EYS: variants seen among roughly 807,000 people sequenced by gnomAD.
EYS encodes the protein protein eyes shut homolog.
Under a neutral mutation model 282.1 loss-of-function variants are expected in EYS, and 250 were observed. The ratio of observed to expected loss-of-function variants is 0.89; its 90% confidence interval spans 0.80 to 0.98. EYS has a LOEUF of 0.98. Ranked by LOEUF, EYS falls within the 50% of genes least tolerant of loss-of-function variation. The pLI is 0.00. For missense variants in EYS, 4,016 were observed against 3,709.0 expected, an observed-to-expected ratio of 1.08 and a Z score of -2.15; for synonymous variants, 1,355 against 1,282.9, an observed-to-expected ratio of 1.06 and a Z score of -1.20.
chr6:64,534,781 G>A (rs754279931), intron 26 of EYS, among the ~76,000 whole-genome samples: 4 of 151,088 alleles, frequency 2.6e-5, no homozygotes, highest in Non-Finnish European at 5.9e-5. Context: ...CACATTCTGA[G>A]GAATTTAACA....
At chr6:65,177,445 G>A (rs1191246537) in intron 12 of EYS, among the ~76,000 whole-genome samples, 1 of 151,884 alleles carries the variant, frequency 6.6e-6, no homozygotes, top group East Asian at 2.0e-4. Flanking sequence ...TGCCAATTAA[G>A]TGTTTGTCAT....
At chr6:65,701,897 G>C (rs1190350657) in intron 1 of EYS, among the ~76,000 whole-genome samples, 1 of 152,152 alleles carries the variant, frequency 6.6e-6, no homozygotes. Context: ...GCATTGAGTT[G>C]CATTCTTTTA....
intron 29 of EYS, among the ~76,000 whole-genome samples, chr6:64,373,723 G>T (rs1418805967): frequency 6.6e-6 from 1 of 152,260 alleles, no homozygotes; most frequent in East Asian, 1.9e-4. Flanking sequence ...TAGAGCATCT[G>T]GGTTCCTCCA....
At chr6:65,154,007 A>C (rs929018855) in intron 12 of EYS, among the ~76,000 whole-genome samples, 1 of 151,822 alleles carries the variant, frequency 6.6e-6, no homozygotes, top group African/African-American at 2.4e-5. Flanking sequence ...TACTAACTAC[A>C]TGTTATGCCA....
intron 32 of EYS, among the ~76,000 whole-genome samples, chr6:64,069,016 G>A (rs1771477347): frequency 6.6e-6 from 1 of 151,968 alleles, no homozygotes; most frequent in South Asian, 2.1e-4. Context: ...AAGGCCATGT[G>A]ACTACAGAAA....
chr6:65,618,885 G>A (rs1410765013), intron 2 of EYS, among the ~76,000 whole-genome samples: 1 of 152,088 alleles, frequency 6.6e-6, no homozygotes, highest in East Asian at 1.9e-4. Flanking sequence ...TTATTTCTGA[G>A]GGCTCTGTTC....
At chr6:65,457,289 T>C (rs556745129) in intron 5 of EYS, among the ~76,000 whole-genome samples, 1 of 152,106 alleles carries the variant, frequency 6.6e-6, no homozygotes, top group Non-Finnish European at 1.5e-5. Context: ...CTCAGACTCC[T>C]ATGTTTCTGT....
chr6:64,103,615 A>T (rs1288945697), intron 31 of EYS, among the ~76,000 whole-genome samples: 1 of 152,162 alleles, frequency 6.6e-6, no homozygotes, highest in Admixed American at 6.5e-5. Flanking sequence ...TAGGAGGAGG[A>T]TCATAGATGG....
chr6:65,043,480 A>G (rs1447386585), intron 13 of EYS, among the ~76,000 whole-genome samples: 2 of 151,468 alleles, frequency 1.3e-5, no homozygotes, highest in African/African-American at 4.8e-5. Context: ...GCTATGTAAT[A>G]GATTTCAAAT....
chr6:65,334,906 A>G, intron 11 of EYS, 74 bp downstream of exon 11: 1 of 1,387,788 alleles, frequency 7.2e-7, no homozygotes, highest in East Asian at 2.3e-5. Context: ...TTACCATGAA[A>G]CAGTTCGATG....
At chr6:65,418,018 G>T (rs1401700217) in intron 5 of EYS, among the ~76,000 whole-genome samples, 1 of 152,018 alleles carries the variant, frequency 6.6e-6, no homozygotes, top group East Asian at 1.9e-4. Context: ...AATAAAGAGG[G>T]CTCCCAGAGC....
At chr6:64,817,530 T>C (rs1764774381) in intron 21 of EYS, among the ~76,000 whole-genome samples, 1 of 152,152 alleles carries the variant, frequency 6.6e-6, no homozygotes, top group Admixed American at 6.6e-5. Flanking sequence ...ATGTGCAGCC[T>C]TGTTACACGG....
chr6:65,703,269 A>G (rs767538483), intron 1 of EYS, among the ~76,000 whole-genome samples: 15 of 152,164 alleles, frequency 9.9e-5, no homozygotes, highest in Non-Finnish European at 1.3e-4. Flanking sequence ...ATTCTGACTA[A>G]TGCATGCACA....
intron 9 of EYS, among the ~76,000 whole-genome samples, chr6:65,350,362 T>C (rs949345994): frequency 6.6e-6 from 1 of 151,530 alleles, no homozygotes; most frequent in Non-Finnish European, 1.5e-5. Context: ...TAATTAATAT[T>C]CTGGAATGTC....
intron 32 of EYS, among the ~76,000 whole-genome samples, chr6:64,080,609 T>G (rs1300265714): frequency 2.6e-5 from 4 of 152,174 alleles, no homozygotes; most frequent in Admixed American, 1.3e-4. Flanking sequence ...GCTTCTGGTG[T>G]TTTAGACATG....
intron 30 of EYS, among the ~76,000 whole-genome samples, chr6:64,277,526 G>A (rs1768156476): frequency 6.6e-6 from 1 of 152,052 alleles, no homozygotes; most frequent in Non-Finnish European, 1.5e-5. Context: ...TCTACATTTA[G>A]TGAAAGAAGA....
At chr6:65,135,648 A>C (rs1776003318) in intron 12 of EYS, among the ~76,000 whole-genome samples, 1 of 144,822 alleles carries the variant, frequency 6.9e-6, no homozygotes, top group Non-Finnish European at 1.5e-5. Flanking sequence ...ACAGTGAAAT[A>C]GTGAATCTCA....
chr6:65,124,011 C>T (rs1342923086), intron 12 of EYS, among the ~76,000 whole-genome samples: 1 of 151,914 alleles, frequency 6.6e-6, no homozygotes, highest in Non-Finnish European at 1.5e-5. Flanking sequence ...GAAATCTCTA[C>T]GAAACAGACA....
At chr6:64,749,108 G>A (rs956764827) in intron 22 of EYS, among the ~76,000 whole-genome samples, 1 of 152,114 alleles carries the variant, frequency 6.6e-6, no homozygotes, top group African/African-American at 2.4e-5. Flanking sequence ...CAAAGATTCA[G>A]GTTTGGAACC....
Sources: allele counts gnomAD v4.1 joint callset (sites outside exome capture counted in the v4.1 genomes callset), GRCh38; gene constraint gnomAD v4.1.1; transcripts MANE v1.5; gene names NCBI Gene and HGNC (gene_info 2026-07-23, HGNC 2026-07-21).